Variants in USP42 observed in about 807,000 individuals in gnomAD.
USP42 encodes the protein ubiquitin carboxyl-terminal hydrolase 42.
A neutral mutation model predicts 113.0 loss-of-function variants in USP42; 23 were observed. The observed-to-expected ratio is 0.20, with a 90% confidence interval of 0.15 to 0.29. The LOEUF (loss-of-function observed/expected upper bound fraction) is 0.29. Among genes scored for constraint, USP42 ranks in the 10% least tolerant of loss-of-function variants. The probability of loss-of-function intolerance (pLI) is 1.00; values close to 1 mark genes in which losing one functional copy is unlikely to be tolerated. For synonymous variants in USP42, 933 were observed against 699.0 expected, an observed-to-expected ratio of 1.33 and a Z score of -5.28; for missense variants, 2,174 against 1,779.8, an observed-to-expected ratio of 1.22 and a Z score of -3.99.
At chr7:6,114,668 ATATATATATATTTTTTTT>A (rs1779794609) in intron 2 of USP42, among the ~76,000 whole-genome samples, 2 of 38,610 alleles carry the variant, frequency 5.2e-5, no homozygotes, top group Non-Finnish European at 9.2e-5. Context: ...ATATATATAT[ATATATATATATTTTTTTT>A]TTTTTTTTTT....
At chr7:6,099,700 T>C in the USP42 span, among the ~76,000 whole-genome samples, 1 of 150,144 alleles carries the variant, frequency 6.7e-6, no homozygotes, top group African/African-American at 2.5e-5. Flanking sequence ...CAGTGGCTCA[T>C]GCCTGTAATC....
the USP42 span, among the ~76,000 whole-genome samples, chr7:6,092,035 C>CTTCTTCT: frequency 2.8e-4 from 28 of 98,302 alleles, no homozygotes; most frequent in Middle Eastern, 5.7e-3. Context: ...TCTTCTTCTT[C>CTTCTTCT]TTCTTCTTCT....
chr7:6,093,624 A>T, the USP42 span, among the ~76,000 whole-genome samples: 44 of 63,138 alleles, frequency 7.0e-4, no homozygotes, highest in African/African-American at 1.1e-3. Flanking sequence ...TCCTTCCCCC[A>T]CCCCTCCCCT....
the USP42 span, among the ~76,000 whole-genome samples, chr7:6,098,459 C>T: frequency 6.7e-6 from 1 of 150,204 alleles, no homozygotes; most frequent in Non-Finnish European, 1.5e-5. Context: ...TGATTCCACT[C>T]CTCCCTTAGC....
At position 6,154,605 on chromosome 7, in the gene USP42, C is replaced by T. The variant is rs1206148248; in HGVS notation, c.3051C>T (p.Cys1017=). 6.3e-7 allele frequency: 1 copy of T among 1,587,780 alleles called. No individual in the cohort carries two copies. The highest frequency in any genetic ancestry group is 1.3e-5 in the African/African-American group (1 of 74,444). The part of the protein sequence containing the change: ...SPGERRSLGR[C]SHHHSRHRSG... Reference sequence around the variant, plus strand: ...GCGAGCGCCGCTCTCTGGGCAGGTGCAGTCACCACCACTCCCGACACCGGA... The same window carrying T: ...GCGAGCGCCGCTCTCTGGGCAGGTGTAGTCACCACCACTCCCGACACCGGA... Residue 1017 remains cysteine, a synonymous_variant, in exon 15 of 18, where the codon TGC becomes TGT. Transcript: ENST00000306177.
upstream of USP42, among the ~76,000 whole-genome samples, chr7:6,101,166 A>C (rs1360024150): frequency 1.3e-5 from 2 of 151,134 alleles, no homozygotes; most frequent in Non-Finnish European, 2.9e-5. Flanking sequence ...GAACAGCCTC[A>C]GGAGAAGAGG....
chr7:6,090,131 C>T, the USP42 span, among the ~76,000 whole-genome samples: 1 of 148,280 alleles, frequency 6.7e-6, no homozygotes, highest in African/African-American at 2.6e-5. Flanking sequence ...GAAACCCCCG[C>T]CTCTACTAAA....
chr7:6,108,653 G>C (rs943320257), intron 1 of USP42, among the ~76,000 whole-genome samples: 1 of 151,970 alleles, frequency 6.6e-6, no homozygotes, highest in Non-Finnish European at 1.5e-5. Flanking sequence ...GCTAATTTTT[G>C]TATTTTCAGT....
chr7:6,082,044 A>G, the USP42 span, among the ~76,000 whole-genome samples: 1 of 152,132 alleles, frequency 6.6e-6, no homozygotes, highest in Non-Finnish European at 1.5e-5. Context: ...ATATATATGT[A>G]TGTATACATA....
At chr7:6,096,902 A>C in the USP42 span, among the ~76,000 whole-genome samples, 14 of 147,148 alleles carry the variant, frequency 9.5e-5, no homozygotes. Context: ...ACACTCCAGG[A>C]TGCCATCATT....
the USP42 span, among the ~76,000 whole-genome samples, chr7:6,096,922 T>C: frequency 2.6e-5 from 3 of 113,984 alleles, 1 homozygote; most frequent in African/African-American, 1.5e-4. Flanking sequence ...TTTCTTTCTT[T>C]CTTTCTTTTC....
At chr7:6,092,496 G>A in the USP42 span, among the ~76,000 whole-genome samples, 16 of 151,048 alleles carry the variant, frequency 1.1e-4, no homozygotes, top group South Asian at 3.3e-3. Context: ...CCTATTTCAA[G>A]TGCCATTTCT....
chr7:6,114,761 G>C (rs1290672083), intron 2 of USP42, among the ~76,000 whole-genome samples: 19 of 128,998 alleles, frequency 1.5e-4, no homozygotes, highest in Non-Finnish European at 1.5e-5. Flanking sequence ...CACTATCTCA[G>C]CTCACTGCAA....
At position 6,128,160 on chromosome 7, in the gene USP42, C is replaced by G. The variant is rs1780642986; in HGVS notation, c.443-7681C>G. The stretch of plus-strand genomic sequence containing the variant: ...TAGAGATTTGGTCTCGCTGTGTTAC[C>G]CAGGCTGGTCTCGAACTCCTAGCCT... On this transcript the variant is annotated intron_variant, in intron 3 of 17. Transcript: ENST00000306177. 2.6e-5 allele frequency: 4 copies of G among 151,868 alleles called. No individual in the cohort carries two copies. In the South Asian group the frequency reaches 8.3e-4, roughly 31 times the overall value. 9.4% of individuals were successfully genotyped at this position (151,868 alleles called of 1,614,324 possible). A position where few individuals can be genotyped will look rare whatever the true frequency, so the allele number is the denominator to read the frequency against.
At position 6,149,829 on chromosome 7, in the gene USP42, T is replaced by C. The variant is rs1034810552; in HGVS notation, c.1633T>C (p.Ser545Pro). Residue 545 changes from serine to proline, a missense_variant, in exon 13 of 18, where the codon TCT (serine) becomes CCT (proline). Transcript: ENST00000306177. ...CQSQPNLHSN[S>P]LENPTKPVPS... ...GTCTCAACCTAACCTTCATAGTAAT[T>C]CTTTGGAGAACCCTACCAAGCCCGT... 2 of 1,614,002 alleles carry C rather than the reference T, an allele frequency of 1.2e-6. No individual in the cohort carries two copies. The highest frequency in any genetic ancestry group is 3.3e-5 in the Admixed American group (2 of 60,012).
chr7:6,144,996 A>T (rs951040690), intron 9 of USP42, among the ~76,000 whole-genome samples: 3 of 152,196 alleles, frequency 2.0e-5, no homozygotes, highest in Non-Finnish European at 4.4e-5. Context: ...GATGGCCTTA[A>T]ATACACTTAG....
At chr7:6,130,832 T>C (rs1449406733) in intron 3 of USP42, among the ~76,000 whole-genome samples, 1 of 151,970 alleles carries the variant, frequency 6.6e-6, no homozygotes, top group Non-Finnish European at 1.5e-5. Context: ...TGCAGGGCCA[T>C]GTGGTGAGGA....
intron 14 of USP42, 70 bp downstream of exon 14, chr7:6,150,576 A>G: frequency 1.5e-6 from 2 of 1,301,768 alleles, no homozygotes; most frequent in Non-Finnish European, 2.2e-6. Context: ...CAGATGTGTC[A>G]GTATTTGAAT....
chr7:6,133,086 C>G (rs1450533083), intron 3 of USP42, among the ~76,000 whole-genome samples: 1 of 152,174 alleles, frequency 6.6e-6, no homozygotes, highest in Non-Finnish European at 1.5e-5. Flanking sequence ...GTTCTTAGAT[C>G]TGTACATGTA....
Sources: gnomAD v4.1 joint callset for allele counts (sites outside exome capture counted in the v4.1 genomes callset) on GRCh38, gnomAD v4.1.1 for gene constraint, MANE v1.5 for transcripts, NCBI Gene and HGNC (gene_info 2026-07-23, HGNC 2026-07-21) for gene names.